Variants in COL24A1 observed in about 807,000 individuals in gnomAD.
COL24A1 encodes collagen type XXIV alpha 1 chain.
In COL24A1, 224 loss-of-function variants were observed where a neutral mutation model predicts 253.9. The ratio of observed to expected loss-of-function variants is 0.88; its 90% confidence interval spans 0.79 to 0.99. COL24A1 has a LOEUF of 0.99. COL24A1 is among the 50% of genes least tolerant of loss of function. The probability of loss-of-function intolerance (pLI) is 0.00; values close to 1 mark genes in which losing one functional copy is unlikely to be tolerated. For synonymous variants in COL24A1, 685 were observed against 673.7 expected (o/e 1.02, Z -0.26); for missense variants, 2,131 against 2,068.5 (o/e 1.03, Z -0.59).
intron 55 of COL24A1, among the ~76,000 whole-genome samples, chr1:85,746,218 G>A (rs977686466): frequency 2.6e-5 from 4 of 152,076 alleles, no homozygotes; most frequent in African/African-American, 9.7e-5. Context: ...ATTTCTTTCA[G>A]TCATTGTACT....
Position 86,023,002 on chromosome 1 carries a change from A to T in COL24A1, c.2055T>A (p.Ser685Arg). 1 of 1,612,660 alleles carries T rather than the reference A, an allele frequency of 6.2e-7. No individual in the cohort carries two copies. The highest frequency in any genetic ancestry group is 8.5e-7 in the Non-Finnish European group (1 of 1,179,112). The change falls in exon 15 of 60, where the codon AGT (serine) becomes AGA (arginine). Residue 685 changes from serine to arginine, a missense_variant. Physicochemically the swap from Ser to Arg is moderately radical, Grantham distance 110 (BLOSUM62 -1). Coordinates refer to ENST00000370571, the MANE Select transcript of COL24A1 (RefSeq NM_152890.7). ...GPPGFPGLRG[S>R]VGPVGPIGPA... Reference sequence around the variant, plus strand: ...GTCCAATTGGTCCCACAGGGCCAACACTGCCCTGGAAAACAGTAAGAAAGA... The same window carrying T: ...GTCCAATTGGTCCCACAGGGCCAACTCTGCCCTGGAAAACAGTAAGAAAGA...
intron 6 of COL24A1, among the ~76,000 whole-genome samples, 180 bp downstream of exon 6, chr1:86,092,087 G>T (rs1703534136): frequency 6.6e-6 from 1 of 152,044 alleles, no homozygotes; most frequent in African/African-American, 2.4e-5. Flanking sequence ...ATCAATAAGT[G>T]AAACTGGTGA....
At chr1:86,121,878 A>C (rs2102238204) in intron 3 of COL24A1, among the ~76,000 whole-genome samples, 2 of 152,214 alleles carry the variant, frequency 1.3e-5, no homozygotes, top group East Asian at 3.9e-4. Flanking sequence ...GTATTCCCCC[A>C]AAAACCTGAT....
intron 19 of COL24A1, among the ~76,000 whole-genome samples, chr1:86,013,252 T>C (rs1251382572): frequency 1.3e-5 from 2 of 152,212 alleles, no homozygotes; most frequent in African/African-American, 4.8e-5. Flanking sequence ...GAAGTATATA[T>C]GTAGGTCTCA....
chr1:85,950,168 A>G (rs1689748573), intron 24 of COL24A1, among the ~76,000 whole-genome samples: 1 of 151,938 alleles, frequency 6.6e-6, no homozygotes, highest in South Asian at 2.1e-4. Context: ...ATGGATTTTT[A>G]CTTGTCTCTC....
At chr1:85,807,335 C>G (rs949011689) in intron 47 of COL24A1, among the ~76,000 whole-genome samples, 6 of 152,188 alleles carry the variant, frequency 3.9e-5, no homozygotes, top group Admixed American at 2.6e-4. Flanking sequence ...AAAGAGCATT[C>G]TTTACCACAG....
chr1:86,063,889 A>G (rs1308857570), intron 7 of COL24A1, 130 bp from the exon 8 acceptor site: 2 of 412,052 alleles, frequency 4.9e-6, no homozygotes, highest in East Asian at 7.6e-5. Context: ...AATTGTTACT[A>G]ATTTATTTCT....
chr1:85,990,385 C>T (rs1430543781), intron 19 of COL24A1, among the ~76,000 whole-genome samples: 2 of 152,192 alleles, frequency 1.3e-5, no homozygotes, highest in East Asian at 1.9e-4. Context: ...TGTTCTGCTT[C>T]AGATCATCAG....
intron 19 of COL24A1, among the ~76,000 whole-genome samples, chr1:86,009,900 G>A (rs1278283228): frequency 2.0e-5 from 3 of 152,150 alleles, no homozygotes; most frequent in African/African-American, 2.4e-5. Flanking sequence ...CCAAAACAAT[G>A]CATGCAGTGT....
intron 24 of COL24A1, among the ~76,000 whole-genome samples, chr1:85,937,149 T>A (rs1488406994): frequency 6.8e-6 from 1 of 147,692 alleles, no homozygotes; most frequent in Non-Finnish European, 1.5e-5. Context: ...ACTTGGTTTA[T>A]GGATAGTAGG....
In COL24A1 at chr1:85,967,892, GT is replaced by G. The variant is rs565167791; in HGVS notation, c.2463+2334del. On this transcript the variant is annotated intron_variant, in intron 22 of 59. Transcript: ENST00000370571. ...GAAGGATACAAAGTATTGATCCTGG[GT>G]GTGTCTGTGAGAGTGTTGCCAAAAG... Among the ~76,000 whole-genome samples, 19 of 152,316 alleles carry G rather than the reference GT, an allele frequency of 1.2e-4. No individual in the cohort carries two copies. The South Asian group carries it at 3.9e-3, about 32-fold the overall frequency.
chr1:86,133,372 G>C (rs753227525), intron 2 of COL24A1, among the ~76,000 whole-genome samples: 1 of 152,176 alleles, frequency 6.6e-6, no homozygotes, highest in Non-Finnish European at 1.5e-5. Flanking sequence ...GCCCTGGCCA[G>C]AACTTCCAAC....
intron 22 of COL24A1, among the ~76,000 whole-genome samples, chr1:85,968,869 T>G (rs1213718544): frequency 1.3e-5 from 2 of 152,178 alleles, no homozygotes; most frequent in Non-Finnish European, 2.9e-5. Context: ...AATCATAACT[T>G]CTTGTCCTAC....
chr1:86,119,636 G>C (rs1318902420), intron 3 of COL24A1, among the ~76,000 whole-genome samples: 1 of 152,090 alleles, frequency 6.6e-6, no homozygotes, highest in African/African-American at 2.4e-5. Context: ...AACAAATATG[G>C]TAAGATGGTG....
Position 86,023,113 on chromosome 1 carries a change from A to G in COL24A1, c.2050-106T>C, listed in dbSNP as rs375862286. ...TGAACCCAAAACAGCCAACTCACTA[A>G]GCTCCTACACGTGCCTTGTTCTTCA... On this transcript the variant is annotated intron_variant, in intron 14 of 59. Transcript: ENST00000370571. 31 of 929,182 alleles carry G rather than the reference A, an allele frequency of 3.3e-5. No individual in the cohort carries two copies. In the African/African-American group the frequency reaches 5.0e-4, roughly 15 times the overall value. 57.6% of individuals were successfully genotyped at this position (929,182 alleles called of 1,614,324 possible). A position where few individuals can be genotyped will look rare whatever the true frequency, so the allele number is the denominator to read the frequency against.
intron 45 of COL24A1, among the ~76,000 whole-genome samples, chr1:85,818,877 G>T (rs908616393): frequency 1.3e-5 from 2 of 152,146 alleles, no homozygotes; most frequent in African/African-American, 4.8e-5. Flanking sequence ...ACTAAAATGG[G>T]ATGTTAAATC....
intron 43 of COL24A1, among the ~76,000 whole-genome samples, chr1:85,831,640 G>A (rs1675299877): frequency 6.6e-6 from 1 of 152,068 alleles, no homozygotes. Flanking sequence ...TATTAGTGGT[G>A]GGATGAGTTG....
At chr1:85,921,493 G>A (rs547814964) in intron 24 of COL24A1, among the ~76,000 whole-genome samples, 139 of 152,324 alleles carry the variant, frequency 9.1e-4, no homozygotes, top group African/African-American at 3.0e-3. Flanking sequence ...AAAAATATTT[G>A]CTGTTCTGCA....
At chr1:85,934,069 C>G (rs1394798116) in intron 24 of COL24A1, among the ~76,000 whole-genome samples, 1 of 152,192 alleles carries the variant, frequency 6.6e-6, no homozygotes, top group Non-Finnish European at 1.5e-5. Context: ...GAAGGCCTGA[C>G]TGACCAGAAA....
Sources: gnomAD v4.1 joint callset for allele counts (sites outside exome capture counted in the v4.1 genomes callset) on GRCh38, gnomAD v4.1.1 for gene constraint, MANE v1.5 for transcripts, NCBI Gene and HGNC (gene_info 2026-07-23, HGNC 2026-07-21) for gene names.